Variants in KSR1 observed in about 807,000 individuals in gnomAD.
The protein encoded by KSR1 is kinase suppressor of ras.
A neutral mutation model predicts 92.9 loss-of-function variants in KSR1; 35 were observed. The ratio of observed to expected loss-of-function variants is 0.38; its 90% CI spans 0.29 to 0.50. The LOEUF is 0.50. KSR1 is among the 20% of genes least tolerant of loss of function. The probability of loss-of-function intolerance (pLI) is 0.94; values close to 1 mark genes in which losing one functional copy is unlikely to be tolerated. For synonymous variants in KSR1, 467 were observed against 472.6 expected (o/e 0.99, Z 0.15); for missense variants, 972 against 1,158.5 (o/e 0.84, Z 2.34).
At chr17:27,503,847 G>A (rs1345663529) in intron 1 of KSR1, among the ~76,000 whole-genome samples, 1 of 152,170 alleles carries the variant, frequency 6.6e-6, no homozygotes, top group Non-Finnish European at 1.5e-5. Context: ...GTGCGGGTCG[G>A]AGCTCCTAGT....
In KSR1 at chr17:27,603,179, G is replaced by C. The variant is rs4795793; in HGVS notation, c.1511-655G>C. Among the ~76,000 whole-genome samples, 579 of 152,308 alleles carry C rather than the reference G, an allele frequency of 3.8e-3. 12 individuals are homozygous for C. The highest frequency in any genetic ancestry group is 0.032 in the Admixed American group (483 of 15,304). On this transcript the variant is annotated intron_variant, in intron 11 of 20. Coordinates refer to ENST00000644974, the MANE Select transcript of KSR1 (RefSeq NM_001394583.1). ...GTGGGACTTTTAGCGCCAAAACTGGGAACACCCCAGGCTCAGGGATCAGCC... is the reference window on the plus strand; with the variant it reads ...GTGGGACTTTTAGCGCCAAAACTGGCAACACCCCAGGCTCAGGGATCAGCC...
At chr17:27,623,042 G>C in intron 20 of KSR1, 1 of 510,552 alleles carries the variant, frequency 2.0e-6, no homozygotes, top group South Asian at 2.4e-5. Context: ...ACAATTCCTA[G>C]GAACCCACAG....
At chr17:27,544,731 A>T (rs980600140) in intron 1 of KSR1, among the ~76,000 whole-genome samples, 1 of 152,128 alleles carries the variant, frequency 6.6e-6, no homozygotes, top group African/African-American at 2.4e-5. Flanking sequence ...CGGAAAATTT[A>T]TATCTTGCGG....
At chr17:27,552,453 G>C (rs1054590534) in intron 2 of KSR1, among the ~76,000 whole-genome samples, 1 of 152,178 alleles carries the variant, frequency 6.6e-6, no homozygotes, top group Non-Finnish European at 1.5e-5. Flanking sequence ...GCCCCAAGTG[G>C]GTGGTGACAC....
intron 1 of KSR1, among the ~76,000 whole-genome samples, chr17:27,530,720 G>A (rs2070502366): frequency 1.3e-5 from 2 of 152,200 alleles, no homozygotes; most frequent in African/African-American, 2.4e-5. Context: ...GTAGAAGGAA[G>A]AAAATAATTA....
intron 10 of KSR1, among the ~76,000 whole-genome samples, chr17:27,598,890 G>A (rs1368681562): frequency 3.9e-5 from 6 of 152,148 alleles, no homozygotes; most frequent in East Asian, 3.9e-4. Context: ...CGGCTGGCCC[G>A]GTGGTTCAGC....
intron 18 of KSR1, among the ~76,000 whole-genome samples, chr17:27,616,330 T>C (rs1190071638): frequency 1.3e-5 from 2 of 152,242 alleles, no homozygotes; most frequent in African/African-American, 4.8e-5. Flanking sequence ...CTTTCTAGAA[T>C]TGAGCCTACA....
intron 12 of KSR1, 99 bp downstream of exon 12, chr17:27,603,987 G>C: frequency 5.7e-6 from 7 of 1,235,370 alleles, no homozygotes; most frequent in Non-Finnish European, 8.2e-6. Flanking sequence ...TCCATCTCCA[G>C]CCAGCCAGAT....
rs1184626853 is a variant in KSR1, at chr17:27,619,616, T to C, written c.2628-1577T>C. 2.0e-5 allele frequency among the ~76,000 whole-genome samples: 3 copies of C among 152,080 alleles called. No homozygotes were observed. In the East Asian group the frequency reaches 5.8e-4, roughly 29 times the overall value. On this transcript the variant is annotated intron_variant, in intron 19 of 20. Coordinates refer to ENST00000644974, the MANE Select transcript of KSR1 (RefSeq NM_001394583.1). Reference sequence around the variant, plus strand: ...TTTCACCATATTGGTCAGGCTGGTCTCGAACTCCTGACCTCAGGTGATCAC... The same window carrying C: ...TTTCACCATATTGGTCAGGCTGGTCCCGAACTCCTGACCTCAGGTGATCAC...
At chr17:27,528,746 A>G (rs1413172829) in intron 1 of KSR1, among the ~76,000 whole-genome samples, 2 of 152,166 alleles carry the variant, frequency 1.3e-5, no homozygotes, top group Non-Finnish European at 1.5e-5. Context: ...AAAAATTAAA[A>G]TAAAAAAAGT....
At chr17:27,602,839 G>T (rs1170792510) in intron 11 of KSR1, among the ~76,000 whole-genome samples, 1 of 152,236 alleles carries the variant, frequency 6.6e-6, no homozygotes, top group Admixed American at 6.5e-5. Flanking sequence ...TGATAAGAAG[G>T]CCCACGGCCT....
rs576201406 is a variant in KSR1, at chr17:27,485,689, G to T, written c.231+28815G>T. ...TTCAGTGAACCTACCTGTCTCACGT[G>T]TTGGGGGCAAAATCGTGTCATCAAT... On this transcript the variant is annotated intron_variant, in intron 1 of 20. Transcript: ENST00000644974. Among the ~76,000 whole-genome samples, 100 of 152,178 alleles carry T rather than the reference G, an allele frequency of 6.6e-4. No homozygotes were observed. In the South Asian group the frequency reaches 6.9e-3, roughly 10 times the overall value.
At chr17:27,594,971 G>GT (rs2073292231) in intron 9 of KSR1, among the ~76,000 whole-genome samples, 1 of 152,184 alleles carries the variant, frequency 6.6e-6, no homozygotes, top group East Asian at 1.9e-4. Flanking sequence ...ACTGATGGAG[G>GT]GTCCTGAGCC....
intron 1 of KSR1, among the ~76,000 whole-genome samples, chr17:27,548,462 T>G (rs1162874364): frequency 6.6e-6 from 1 of 152,208 alleles, no homozygotes; most frequent in Non-Finnish European, 1.5e-5. Flanking sequence ...GAGTCCTTGC[T>G]CTTTAGAAAA....
At chr17:27,458,586 A>C (rs2019289967) in intron 1 of KSR1, among the ~76,000 whole-genome samples, 1 of 152,182 alleles carries the variant, frequency 6.6e-6, no homozygotes, top group Non-Finnish European at 1.5e-5. Context: ...CAGAGCATCC[A>C]GCTATTTAAG....
intron 1 of KSR1, among the ~76,000 whole-genome samples, chr17:27,478,855 C>T (rs1000496747): frequency 3.3e-5 from 5 of 152,162 alleles, no homozygotes; most frequent in Non-Finnish European, 7.4e-5. Context: ...GAAATAAGCA[C>T]GACTGTTGCT....
Position 27,605,482 on chromosome 17 carries a change from G to A in KSR1, c.1663G>A (p.Glu555Lys), listed in dbSNP as rs759287309. ...GTCAGAGGCAGAAGACGATGAGGAC[G>A]AGGTGGACGACTTGCCGAGCTCTCG... Reference protein sequence around the residue: ...GKSEAEDDEDEVDDLPSSRRP... With the variant: ...GKSEAEDDEDKVDDLPSSRRP... Residue 555 changes from glutamate (E) to lysine (K), a missense_variant, in exon 14 of 21, where the codon GAG becomes AAG. Around this residue, in one of 5 missense-constraint regions of KSR1, gnomAD observed 611 missense variants for 668.0 expected, o/e 0.91. Transcript: ENST00000644974. 24 of 1,608,268 alleles carry A rather than the reference G, an allele frequency of 1.5e-5. No homozygotes were observed. The highest frequency in any genetic ancestry group is 7.8e-5 in the South Asian group (7 of 89,652).
chr17:27,523,412 A>AT (rs2070123625), intron 1 of KSR1, among the ~76,000 whole-genome samples: 1 of 151,526 alleles, frequency 6.6e-6, no homozygotes, highest in African/African-American at 2.4e-5. Flanking sequence ...GAAAGATACC[A>AT]TTTTTGTGTG....
At chr17:27,491,912 G>A (rs2068844030) in intron 1 of KSR1, among the ~76,000 whole-genome samples, 1 of 152,154 alleles carries the variant, frequency 6.6e-6, no homozygotes. Context: ...GCTATACTCT[G>A]CTCACCATCT....
Sources: allele counts gnomAD v4.1 joint callset (sites outside exome capture counted in the v4.1 genomes callset), GRCh38; gene constraint gnomAD v4.1.1; regional missense constraint gnomAD v4.1.1; transcripts MANE v1.5; gene names NCBI Gene and HGNC (gene_info 2026-07-23, HGNC 2026-07-21).